The following SCOC variants were observed in gnomAD, a reference collection of about 807,000 sequenced individuals.
SCOC encodes the protein short coiled coil protein.
Under a neutral mutation model 9.9 loss-of-function variants are expected in SCOC, and 7 were observed. That is an observed-to-expected ratio of 0.71 (90% confidence interval 0.40 to 1.33). The LOEUF (loss-of-function observed/expected upper bound fraction) is 1.33. Among genes scored for constraint, SCOC ranks in the 40% most tolerant of loss-of-function variants. The probability of loss-of-function intolerance (pLI) is 0.01; values close to 1 mark genes in which losing one functional copy is unlikely to be tolerated. For synonymous variants in SCOC, 19 were observed against 28.2 expected, an observed-to-expected ratio of 0.67 and a Z score of 1.03; for missense variants, 66 against 89.7, an observed-to-expected ratio of 0.74 and a Z score of 1.07.
chr4:140,307,165 G>T (rs1295081031), intron 1 of SCOC, among the ~76,000 whole-genome samples: 2 of 152,156 alleles, frequency 1.3e-5, no homozygotes, highest in Non-Finnish European at 2.9e-5. Context: ...TCTTGATCTT[G>T]GACTTCCCAG....
chr4:140,363,265 T>C (rs1053437839), intron 2 of SCOC, among the ~76,000 whole-genome samples: 30 of 152,306 alleles, frequency 2.0e-4, no homozygotes, highest in African/African-American at 7.2e-4. Context: ...CCAGCATTCA[T>C]GAAACAGGCA....
At chr4:140,341,363 G>A (rs1560709261), upstream of SCOC, among the ~76,000 whole-genome samples, 1 of 152,154 alleles carries the variant, frequency 6.6e-6, no homozygotes, top group Non-Finnish European at 1.5e-5. Context: ...GAATGGTTAA[G>A]AGCACAGACC....
At chr4:140,311,539 C>T (rs1273672130) in intron 1 of SCOC, among the ~76,000 whole-genome samples, 1 of 152,100 alleles carries the variant, frequency 6.6e-6, no homozygotes, top group African/African-American at 2.4e-5. Flanking sequence ...GGACCCCACA[C>T]CCCATGATCC....
At chr4:140,266,078 A>G (rs1213689119) in intron 1 of SCOC, among the ~76,000 whole-genome samples, 3 of 152,218 alleles carry the variant, frequency 2.0e-5, no homozygotes, top group Non-Finnish European at 4.4e-5. Flanking sequence ...CTGAGGCCCA[A>G]TCTTTGATTT....
At chr4:140,325,065 G>C (rs1330136439) in intron 1 of SCOC, among the ~76,000 whole-genome samples, 1 of 152,018 alleles carries the variant, frequency 6.6e-6, no homozygotes, top group Non-Finnish European at 1.5e-5. Context: ...AAGGTGCCAA[G>C]ACAATGCAAT....
At chr4:140,287,828 A>G (rs757190071) in intron 1 of SCOC, among the ~76,000 whole-genome samples, 7 of 152,034 alleles carry the variant, frequency 4.6e-5, no homozygotes, top group Non-Finnish European at 8.8e-5. Flanking sequence ...ACACATAGAC[A>G]CACACTATGC....
chr4:140,323,127 T>C (rs1461468080), intron 1 of SCOC, among the ~76,000 whole-genome samples: 1 of 152,154 alleles, frequency 6.6e-6, no homozygotes, highest in Non-Finnish European at 1.5e-5. Context: ...AGGTGGGGCT[T>C]GGTGGGAGGT....
intron 2 of SCOC, 43 bp from the exon 3 acceptor site, chr4:140,379,526 A>C (rs1274756259): frequency 7.2e-7 from 1 of 1,382,860 alleles, no homozygotes; most frequent in Non-Finnish European, 1.0e-6. Context: ...ACACAAATGT[A>C]CCTAATGCTA....
chr4:140,325,697 C>A (rs1442242660), intron 1 of SCOC, among the ~76,000 whole-genome samples: 1 of 152,072 alleles, frequency 6.6e-6, no homozygotes, highest in Non-Finnish European at 1.5e-5. Context: ...TGGTGAGATG[C>A]AAAGCAACAG....
At chr4:140,321,061 A>C (rs769646384) in intron 1 of SCOC, among the ~76,000 whole-genome samples, 9 of 152,190 alleles carry the variant, frequency 5.9e-5, no homozygotes, top group Non-Finnish European at 1.3e-4. Flanking sequence ...GGAGACTCAA[A>C]ACCAAGAGAA....
intron 1 of SCOC, among the ~76,000 whole-genome samples, chr4:140,311,387 T>C (rs1193488945): frequency 6.6e-6 from 1 of 152,206 alleles, no homozygotes; most frequent in Non-Finnish European, 1.5e-5. Context: ...AGGGAGTACA[T>C]TAACTCATAA....
At position 140,381,763 on chromosome 4, in the gene SCOC, T is replaced by C. The variant is rs1215792095; in HGVS notation, c.*659T>C. 2 of 152,214 alleles carry C rather than the reference T, an allele frequency of 1.3e-5. No individual in the cohort carries two copies. Among genetic ancestry groups the C allele is most frequent in the Non-Finnish European group, 2.9e-5 (2 of 68,018 alleles). 9.4% of individuals were successfully genotyped at this position (152,214 alleles called of 1,614,324 possible). ...AAAAATGAAGGTTTTTCTTTGAAAC[T>C]GAATTAACTTGGGAATATTTGTTGT... On this transcript the variant is annotated 3_prime_UTR_variant, in exon 4 of 4. Coordinates refer to ENST00000608372, the MANE Select transcript of SCOC (RefSeq NM_001153484.2).
chr4:140,298,328 A>T (rs1034722488), intron 1 of SCOC, among the ~76,000 whole-genome samples: 3 of 152,214 alleles, frequency 2.0e-5, no homozygotes, highest in Admixed American at 2.0e-4. Flanking sequence ...AGAAATCTCC[A>T]AGAGACTGTC....
chr4:140,351,063 G>A (rs1726954150), intron 2 of SCOC, among the ~76,000 whole-genome samples: 2 of 151,900 alleles, frequency 1.3e-5, no homozygotes, highest in Admixed American at 6.6e-5. Context: ...GGTGCCAGGT[G>A]CCTGTAATCC....
chr4:140,353,086 C>G (rs527328970), intron 2 of SCOC, among the ~76,000 whole-genome samples: 1 of 152,300 alleles, frequency 6.6e-6, no homozygotes, highest in South Asian at 2.1e-4. Flanking sequence ...AGGCTTCCTG[C>G]CTGCTTGACT....
At chr4:140,325,678 G>A (rs932186214) in intron 1 of SCOC, among the ~76,000 whole-genome samples, 5 of 152,026 alleles carry the variant, frequency 3.3e-5, no homozygotes, top group South Asian at 2.1e-4. Context: ...AGAGAAAAAC[G>A]TGGCAGTATG....
chr4:140,268,253 G>C (rs1019342230), intron 1 of SCOC, among the ~76,000 whole-genome samples: 1 of 152,154 alleles, frequency 6.6e-6, no homozygotes, highest in Non-Finnish European at 1.5e-5. Flanking sequence ...CCCATATAAC[G>C]TTTGTATCTT....
intron 2 of SCOC, among the ~76,000 whole-genome samples, chr4:140,352,555 A>C (rs1727026922): frequency 1.3e-5 from 2 of 152,238 alleles, no homozygotes; most frequent in South Asian, 4.1e-4. Flanking sequence ...AGAAATTGTA[A>C]GTGCTCTTTC....
intron 1 of SCOC, among the ~76,000 whole-genome samples, chr4:140,298,659 T>C (rs1003992779): frequency 3.3e-5 from 5 of 152,224 alleles, no homozygotes; most frequent in Non-Finnish European, 7.3e-5. Context: ...TTCCTTCCTG[T>C]GGCCAATCAG....
Sources: allele counts gnomAD v4.1 joint callset (sites outside exome capture counted in the v4.1 genomes callset), GRCh38; gene constraint gnomAD v4.1.1; transcripts MANE v1.5; gene names NCBI Gene and HGNC (gene_info 2026-07-23, HGNC 2026-07-21).